Variants in MGAT4C observed in about 807,000 individuals in gnomAD.
The protein encoded by MGAT4C is MGAT4 family member C.
MGAT4C carries 19 observed loss-of-function variants against 40.1 expected under a neutral mutation model. That is an observed-to-expected ratio of 0.47 (90% CI 0.33 to 0.70). MGAT4C has a LOEUF of 0.70. MGAT4C is among the 30% of genes least tolerant of loss of function. MGAT4C has a pLI of 0.02. For synonymous variants in MGAT4C, 181 were observed against 187.1 expected (o/e 0.97, Z 0.27); for missense variants, 491 against 563.2 (o/e 0.87, Z 1.30).
In MGAT4C at chr12:86,666,548, T is replaced by C. The variant is rs1964112374; in HGVS notation, c.-229+60661A>G. On this transcript the variant is annotated intron_variant, in intron 2 of 7. Coordinates refer to the MGAT4C transcript ENST00000548651. The stretch of plus-strand genomic sequence containing the variant: ...GCTGAGAATTATTACTTTATTAATC[T>C]TTTTTTTCACAAAATGTCATCTGCT... 1.3e-5 allele frequency among the ~76,000 whole-genome samples: 2 copies of C among 151,998 alleles called. 1 individual carries two copies. Among genetic ancestry groups the C allele is most frequent in the South Asian group, 4.2e-4 (2 of 4,814 alleles).
chr12:86,017,400 C>T (rs1001105366), intron 2 of MGAT4C, among the ~76,000 whole-genome samples: 5 of 152,234 alleles, frequency 3.3e-5, no homozygotes, highest in African/African-American at 1.2e-4. Flanking sequence ...CAAATGAGCA[C>T]ATCAAACTTA....
chr12:86,296,255 G>C (rs1953671394), intron 4 of MGAT4C, among the ~76,000 whole-genome samples: 1 of 152,136 alleles, frequency 6.6e-6, no homozygotes, highest in Non-Finnish European at 1.5e-5. Flanking sequence ...TAAACACAGG[G>C]TGCTGATTGG....
At chr12:86,535,761 T>C (rs191950729) in intron 2 of MGAT4C, among the ~76,000 whole-genome samples, 33 of 152,224 alleles carry the variant, frequency 2.2e-4, no homozygotes, top group Admixed American at 2.0e-3. Context: ...ATTGTTCCTA[T>C]GTGAATTTGG....
intron 1 of MGAT4C, among the ~76,000 whole-genome samples, chr12:86,051,111 C>T (rs1892850353): frequency 6.6e-6 from 1 of 151,954 alleles, no homozygotes; most frequent in African/African-American, 2.4e-5. Context: ...ACATTTGAAA[C>T]ATCGATGAAG....
At chr12:86,592,148 C>T (rs1418128869) in intron 2 of MGAT4C, among the ~76,000 whole-genome samples, 3 of 151,984 alleles carry the variant, frequency 2.0e-5, no homozygotes, top group African/African-American at 7.2e-5. Flanking sequence ...AACTAAAGGT[C>T]TAATATTTAT....
intron 2 of MGAT4C, among the ~76,000 whole-genome samples, chr12:86,691,544 A>G (rs1000470524): frequency 1.3e-5 from 2 of 152,198 alleles, no homozygotes; most frequent in African/African-American, 2.4e-5. Context: ...TGGAATAGCC[A>G]GTTCACACTG....
In MGAT4C at chr12:86,426,863, C is replaced by T. The variant is rs999581039; in HGVS notation, c.-120+8294G>A. The stretch of plus-strand genomic sequence containing the variant: ...TCGGGAGGCTGAGGCAGGAGAATGG[C>T]GTGAACCCGGGAGGCAGAGCTTGCA... On this transcript the variant is annotated intron_variant, in intron 3 of 7. Transcript: ENST00000548651. 3.0e-4 allele frequency among the ~76,000 whole-genome samples: 45 copies of T among 152,050 alleles called. 1 individual carries two copies. The highest frequency in any genetic ancestry group is 5.9e-4 in the Admixed American group (9 of 15,268).
chr12:86,478,683 A>T (rs1187755573), intron 2 of MGAT4C, among the ~76,000 whole-genome samples: 1 of 152,084 alleles, frequency 6.6e-6, no homozygotes, highest in Non-Finnish European at 1.5e-5. Context: ...GCTTTTTGCA[A>T]GATTTGAAAA....
At chr12:86,095,613 T>C (rs1260891922) in intron 1 of MGAT4C, among the ~76,000 whole-genome samples, 1 of 151,602 alleles carries the variant, frequency 6.6e-6, no homozygotes, top group Non-Finnish European at 1.5e-5. Flanking sequence ...TTCCTTTTCT[T>C]TTTGAGTAGA....
In MGAT4C at chr12:86,071,385, T is replaced by G. The variant is rs1015810287; in HGVS notation, c.-56-21662A>C. ...GACCCAATTGTTTTTTGAAGAATAA[T>G]ACAATAATATAAATAATTTATGAAA... On this transcript the variant is annotated intron_variant, in intron 1 of 4. Transcript: ENST00000611864. Among the ~76,000 whole-genome samples the G allele has an allele frequency of 2.0e-5, 3 of 152,170 alleles. 1 individual carries two copies. The highest frequency in any genetic ancestry group is 7.2e-5 in the African/African-American group (3 of 41,570).
intron 1 of MGAT4C, among the ~76,000 whole-genome samples, chr12:86,140,252 T>C (rs1436968954): frequency 6.6e-6 from 1 of 152,162 alleles, no homozygotes; most frequent in African/African-American, 2.4e-5. Flanking sequence ...ACTCCCCTCA[T>C]ATTGCTGTAA....
chr12:86,834,459 T>C (rs77671972), intron 1 of MGAT4C, among the ~76,000 whole-genome samples: 16,072 of 151,874 alleles, frequency 0.11, 1,163 homozygotes, highest in Non-Finnish European at 0.15. Context: ...GGGGTGGACC[T>C]GGATGTGGTG....
rs1422082288 is a variant in MGAT4C at position 85,965,203 on chromosome 12, T to A, written c.*14086A>T. ...GTTACATATGTATACATGTGCCATG[T>A]TGGTGTTCTGCATCTTAAGAGAAGA... On this transcript the variant is annotated 3_prime_UTR_variant, in exon 5 of 5. Transcript: ENST00000611864. The A allele has an allele frequency of 6.6e-6, 1 of 152,166 alleles. No individual in the cohort carries two copies. The highest frequency in any genetic ancestry group is 1.9e-4 in the East Asian group (1 of 5,192). 9.4% of individuals were successfully genotyped at this position (152,166 alleles called of 1,614,324 possible). A position where few individuals can be genotyped will look rare whatever the true frequency, so the allele number is the denominator to read the frequency against.
chr12:86,532,700 TA>T (rs1057327648), intron 2 of MGAT4C, among the ~76,000 whole-genome samples: 32 of 152,054 alleles, frequency 2.1e-4, no homozygotes, highest in Non-Finnish European at 4.0e-4. Context: ...GATTGCATCT[TA>T]AAGGCTGGCA....
intron 1 of MGAT4C, among the ~76,000 whole-genome samples, chr12:86,825,665 T>C (rs1317588916): frequency 1.3e-5 from 2 of 151,468 alleles, no homozygotes; most frequent in Admixed American, 6.6e-5. Context: ...ATCTAGGTCA[T>C]TGACAGAATA....
Position 86,522,174 on chromosome 12 carries a change from C to T in MGAT4C, c.-228-86909G>A, listed in dbSNP as rs531668770. On this transcript the variant is annotated intron_variant, in intron 2 of 7. Transcript: ENST00000548651. ...AGTGGTGAGAGAGGATATCTTTGTC[C>T]TGTGACAGGTTTCAAGAGGAATGCT... Among the ~76,000 whole-genome samples the T allele has an allele frequency of 4.6e-5, 7 of 152,128 alleles. No individual in the cohort carries two copies. The South Asian group carries it at 1.2e-3, about 27-fold the overall frequency.
chr12:86,210,192 T>C (rs1040768596), intron 1 of MGAT4C, among the ~76,000 whole-genome samples: 16 of 152,326 alleles, frequency 1.1e-4, no homozygotes, highest in African/African-American at 3.6e-4. Context: ...ATATAGTAGT[T>C]TTTTTCAACG....
chr12:86,721,623 T>A (rs2136644850), intron 2 of MGAT4C, among the ~76,000 whole-genome samples: 1 of 152,226 alleles, frequency 6.6e-6, no homozygotes. Flanking sequence ...CATTACAAAG[T>A]CCCTTAGTGA....
intron 2 of MGAT4C, among the ~76,000 whole-genome samples, chr12:86,512,116 A>G (rs1290163496): frequency 6.6e-6 from 1 of 152,162 alleles, no homozygotes; most frequent in Non-Finnish European, 1.5e-5. Flanking sequence ...AAAGACTCCC[A>G]TAAACATTTA....
Sources: gnomAD v4.1 joint callset for allele counts (sites outside exome capture counted in the v4.1 genomes callset) on GRCh38, gnomAD v4.1.1 for gene constraint, MANE v1.5 for transcripts, NCBI Gene and HGNC (gene_info 2026-07-23, HGNC 2026-07-21) for gene names.